Variants in BICRAL observed in about 807,000 individuals in gnomAD.
The protein encoded by BICRAL is BICRA like chromatin remodeling complex associated protein.
BICRAL carries 8 observed loss-of-function variants against 91.8 expected under a neutral mutation model. The ratio of observed to expected loss-of-function variants is 0.09; its 90% confidence interval spans 0.05 to 0.16. BICRAL has a LOEUF of 0.16. Among genes scored for constraint, BICRAL ranks in the 10% least tolerant of loss-of-function variants. The probability of loss-of-function intolerance (pLI) is 1.00; values close to 1 mark genes in which losing one functional copy is unlikely to be tolerated. For synonymous variants in BICRAL, 445 were observed against 491.1 expected (o/e 0.91, Z 1.24); for missense variants, 1,038 against 1,310.9 (o/e 0.79, Z 3.21).
rs56209754 is a variant in BICRAL at position 42,747,805 on chromosome 6, G to GTTTTT, written c.-261+796_-261+800dup. On this transcript the variant is annotated intron_variant, in intron 1 of 14. Coordinates refer to the BICRAL transcript ENST00000614467. ...TGTTTTTGCTTTTTTGTTTTATTTT[G>GTTTTT]TTTTTTTTTTTTTTTTTTGAGACGG... 4.8e-5 allele frequency among the ~76,000 whole-genome samples: 6 copies of GTTTTT among 125,304 alleles called. 1 individual carries two copies. In the East Asian group the frequency reaches 9.1e-4, roughly 19 times the overall value. 82.2% of individuals were successfully genotyped at this position (125,304 alleles called of 152,430 possible).
Position 42,829,204 on chromosome 6 carries a change from T to G in BICRAL, c.871T>G (p.Leu291Val), listed in dbSNP as rs374706410. 1.2e-6 allele frequency: 2 copies of G among 1,614,022 alleles called. No homozygotes were observed. Among genetic ancestry groups the G allele is most frequent in the African/African-American group, 2.7e-5 (2 of 74,918 alleles). Reference sequence around the variant, plus strand: ...TAACAGCACAAATTTTCAAACATCTTTACCTGTGCATAACATCATCATACA... The same window carrying G: ...TAACAGCACAAATTTTCAAACATCTGTACCTGTGCATAACATCATCATACA... ...PFNSTNFQTS[L>V]PVHNIIIQRG... The change falls in exon 6 of 13, where the codon TTA becomes GTA. Residue 291 changes from leucine to valine, a missense_variant. Transcript: ENST00000314073.
chr6:42,771,292 A>T (rs1425472852), intron 1 of BICRAL, among the ~76,000 whole-genome samples: 1 of 152,176 alleles, frequency 6.6e-6, no homozygotes. Flanking sequence ...GCGCCCGTGC[A>T]TCCGTCACAG....
At chr6:42,821,785 T>C (rs371111049) in intron 2 of BICRAL, among the ~76,000 whole-genome samples, 6 of 152,378 alleles carry the variant, frequency 3.9e-5, no homozygotes, top group African/African-American at 1.4e-4. Flanking sequence ...GTCTAGATTC[T>C]TTTTTGACTT....
chr6:42,764,977 T>C (rs1026614155), intron 1 of BICRAL, among the ~76,000 whole-genome samples: 7 of 152,196 alleles, frequency 4.6e-5, no homozygotes, highest in Admixed American at 4.6e-4. Flanking sequence ...GTTTTAAAAA[T>C]GTTAGAAAAA....
intron 1 of BICRAL, among the ~76,000 whole-genome samples, chr6:42,759,458 C>T (rs546581040): frequency 1.3e-5 from 2 of 152,004 alleles, no homozygotes; most frequent in African/African-American, 4.8e-5. Context: ...CATTGGGCTG[C>T]GATGATGGGA....
chr6:42,796,765 C>T (rs1410578868), intron 1 of BICRAL, among the ~76,000 whole-genome samples: 5 of 151,780 alleles, frequency 3.3e-5, no homozygotes, highest in South Asian at 2.1e-4. Context: ...AATGAGCTGT[C>T]GGCCGGGTGC....
intron 1 of BICRAL, among the ~76,000 whole-genome samples, chr6:42,750,143 G>A (rs1449781489): frequency 6.6e-6 from 1 of 152,020 alleles, no homozygotes; most frequent in Middle Eastern, 3.2e-3. Context: ...GATTACAGGT[G>A]TGAGCCACCG....
chr6:42,822,778 T>C lies in BICRAL; in HGVS notation c.42-18T>C. 1 of 1,454,466 alleles carries C rather than the reference T, an allele frequency of 6.9e-7. No homozygotes were observed. The highest frequency in any genetic ancestry group is 9.6e-7 in the Non-Finnish European group (1 of 1,040,192). 90.1% of individuals were successfully genotyped at this position (1,454,466 alleles called of 1,614,324 possible). On this transcript the variant is annotated intron_variant, in intron 3 of 12. Transcript: ENST00000314073. ...TATTTGTTTGTTGTTTTATCTCTTT[T>C]TTTCCTCTCTTTTCTAGAGACCCAC...
At chr6:42,783,209 G>T (rs1762982594) in intron 1 of BICRAL, among the ~76,000 whole-genome samples, 3 of 151,684 alleles carry the variant, frequency 2.0e-5, no homozygotes, top group African/African-American at 4.8e-5. Flanking sequence ...CCGCCTCGCT[G>T]CCTTTTCGAA....
At chr6:42,786,864 A>G (rs1482488567) in intron 1 of BICRAL, among the ~76,000 whole-genome samples, 1 of 152,310 alleles carries the variant, frequency 6.6e-6, no homozygotes, top group South Asian at 2.1e-4. Flanking sequence ...GCAAGGGGAG[A>G]AATTATGAAT....
intron 1 of BICRAL, among the ~76,000 whole-genome samples, chr6:42,758,712 CAAAAAAA>C (rs71758339): frequency 4.4e-4 from 46 of 103,622 alleles, no homozygotes; most frequent in East Asian, 1.9e-3. Flanking sequence ...TCGGGGGGTC[CAAAAAAA>C]AAAAAAAAAG....
At chr6:42,750,329 T>C (rs1762355893) in intron 1 of BICRAL, among the ~76,000 whole-genome samples, 1 of 151,522 alleles carries the variant, frequency 6.6e-6, no homozygotes, top group East Asian at 2.0e-4. Context: ...CCCAGCTAAA[T>C]TTGGTATTTT....
chr6:42,796,674 G>A (rs1763419097), intron 1 of BICRAL, among the ~76,000 whole-genome samples: 1 of 152,138 alleles, frequency 6.6e-6, no homozygotes, highest in Non-Finnish European at 1.5e-5. Flanking sequence ...GGTAGTGGAG[G>A]TGGTACATGT....
chr6:42,856,366 CTTTTTTT>C (rs556976712), intron 9 of BICRAL, among the ~76,000 whole-genome samples: 10 of 68,104 alleles, frequency 1.5e-4, no homozygotes, highest in East Asian at 3.5e-4. Context: ...CTTTCTTTTC[CTTTTTTT>C]TTTTTTTTTT....
chr6:42,845,907 CA>C (rs70990152), intron 6 of BICRAL, among the ~76,000 whole-genome samples: 66,963 of 139,302 alleles, frequency 0.48, 16,499 homozygotes, highest in African/African-American at 0.66. Flanking sequence ...ACTAAAAATA[CA>C]AAAAAAAAAA....
At chr6:42,839,393 C>G (rs1217546247) in intron 6 of BICRAL, among the ~76,000 whole-genome samples, 5 of 152,028 alleles carry the variant, frequency 3.3e-5, no homozygotes, top group Admixed American at 1.3e-4. Flanking sequence ...ATCTTCCCAC[C>G]TCAGCCTCCC....
chr6:42,853,232 G>A (rs540675084), intron 7 of BICRAL, among the ~76,000 whole-genome samples: 2 of 150,446 alleles, frequency 1.3e-5, no homozygotes, highest in South Asian at 4.2e-4. Context: ...TACCCAATTA[G>A]TACTTAAAAA....
At chr6:42,855,748 T>A in intron 8 of BICRAL, 108 bp from the exon 9 acceptor site, 1 of 829,528 alleles carries the variant, frequency 1.2e-6, no homozygotes, top group Non-Finnish European at 2.0e-6. Context: ...AGTCTTAGAA[T>A]ATGTTCTTGA....
At chr6:42,765,596 G>A (rs927538523) in intron 1 of BICRAL, among the ~76,000 whole-genome samples, 14 of 152,206 alleles carry the variant, frequency 9.2e-5, no homozygotes, top group Admixed American at 9.2e-4. Flanking sequence ...GAAGAATGAT[G>A]ATGAAGTGAA....
Sources: allele counts gnomAD v4.1 joint callset (sites outside exome capture counted in the v4.1 genomes callset), GRCh38; gene constraint gnomAD v4.1.1; transcripts MANE v1.5; gene names NCBI Gene and HGNC (gene_info 2026-07-23, HGNC 2026-07-21).